The following UVSSA variants were observed in gnomAD, a reference collection of about 807,000 sequenced individuals.
UVSSA encodes UV stimulated scaffold protein A.
A neutral mutation model predicts 73.9 loss-of-function variants in UVSSA; 72 were observed. The ratio of observed to expected loss-of-function variants is 0.97; its 90% CI spans 0.81 to 1.19. UVSSA has a LOEUF of 1.19. Ranked by LOEUF, UVSSA falls within the 50% of genes most tolerant of loss-of-function variation. The pLI is 0.00. For synonymous variants in UVSSA, 454 were observed against 391.3 expected, an observed-to-expected ratio of 1.16 and a Z score of -1.89; for missense variants, 1,150 against 965.0, an observed-to-expected ratio of 1.19 and a Z score of -2.54.
intron 8 of UVSSA, 46 bp from the exon 9 acceptor site, chr4:1,375,318 C>T (rs372264424): frequency 2.4e-5 from 38 of 1,605,658 alleles, no homozygotes; most frequent in South Asian, 5.5e-5. Flanking sequence ...ATGTGCCTGG[C>T]GGGTTGTGGG....
intron 8 of UVSSA, among the ~76,000 whole-genome samples, chr4:1,371,458 G>A (rs1057042890): frequency 4.6e-5 from 7 of 152,086 alleles, no homozygotes; most frequent in Non-Finnish European, 8.8e-5. Flanking sequence ...CGTCAGTTCC[G>A]CGTGTGTGTT....
chr4:1,349,797 T>C lies in UVSSA; in HGVS notation c.372T>C (p.Phe124=), dbSNP rs1380308959. 1.3e-6 allele frequency: 2 copies of C among 1,593,914 alleles called. No individual in the cohort carries two copies. Among genetic ancestry groups the C allele is most frequent in the Non-Finnish European group, 1.7e-6 (2 of 1,168,470 alleles). ...TRAVEGWNEK[F]GEAYKKLALG... is the part of the protein sequence containing the mutation. ...CCGTGGAAGGGTGGAATGAGAAGTT[T>C]GGGGAGGCCTACAAGAAGCTTGCCT... is the stretch of plus-strand genomic sequence containing the variant. Residue 124 remains phenylalanine (F), a synonymous_variant, in exon 3 of 14, where the codon TTT becomes TTC. Transcript: ENST00000389851.
In UVSSA at chr4:1,376,134, G is replaced by T. The variant is rs755026331; in HGVS notation, c.1534G>T (p.Gly512Cys). The change falls in exon 10 of 14, where the codon GGC becomes TGC. Residue 512 changes from glycine to cysteine, a missense_variant. Gly to Cys is a radical substitution (Grantham distance 159, BLOSUM62 -3). Transcript: ENST00000389851. ...VPYGVDLHYWGQELPTAGKIV... is the reference protein window; with the variant it reads ...VPYGVDLHYWCQELPTAGKIV... ...CTACGGCGTGGACCTGCACTACTGG[G>T]GCCAGGAGCTCCCCACAGCCGGGAA... 2 of 1,610,336 alleles carry T rather than the reference G, an allele frequency of 1.2e-6. No homozygotes were observed. The highest frequency in any genetic ancestry group is 2.2e-5 in the South Asian group (2 of 90,558).
intron 13 of UVSSA, 119 bp from the exon 14 acceptor site, chr4:1,385,749 C>T (rs1560492540): frequency 9.0e-6 from 9 of 1,003,164 alleles, no homozygotes; most frequent in East Asian, 2.4e-5. Flanking sequence ...GGCAGTCTGT[C>T]AGTGTCCGAG....
intron 12 of UVSSA, among the ~76,000 whole-genome samples, chr4:1,382,231 G>A (rs1017744919): frequency 6.6e-6 from 1 of 152,262 alleles, no homozygotes; most frequent in African/African-American, 2.4e-5. Flanking sequence ...ACACTCAGGA[G>A]CAAATTAAGT....
intron 8 of UVSSA, among the ~76,000 whole-genome samples, chr4:1,368,867 G>C (rs187724542): frequency 6.6e-6 from 1 of 152,230 alleles, no homozygotes; most frequent in African/African-American, 2.4e-5. Flanking sequence ...TGGTTCTTTC[G>C]CTGCAGCCGC....
chr4:1,345,379 T>A, upstream of UVSSA, among the ~76,000 whole-genome samples: 1 of 151,964 alleles, frequency 6.6e-6, no homozygotes, highest in African/African-American at 2.4e-5. Flanking sequence ...GCACGGTGGC[T>A]CACGCCTGTA....
At chr4:1,375,292 T>A in intron 8 of UVSSA, 72 bp from the exon 9 acceptor site, 1 of 1,590,454 alleles carries the variant, frequency 6.3e-7, no homozygotes. Flanking sequence ...GCGTCCTAAC[T>A]GCCCGGTCTT....
In UVSSA at chr4:1,395,188, C is replaced by T. The variant is rs76432995; in HGVS notation, c.*9227C>T. ...GTTCGCCTGCTCACACGTGCCGATGCGGAGTGCCCGCCTGCTCACACGTGC... is the reference window on the plus strand; with the variant it reads ...GTTCGCCTGCTCACACGTGCCGATGTGGAGTGCCCGCCTGCTCACACGTGC... On this transcript the variant is annotated 3_prime_UTR_variant, in exon 14 of 14. Coordinates refer to the UVSSA transcript ENST00000511216. The T allele has an allele frequency of 2.1e-3, 2,590 of 1,252,372 alleles. 361 individuals are homozygous for T. The highest frequency in any genetic ancestry group is 0.017 in the South Asian group (1,236 of 71,884). 77.6% of individuals were successfully genotyped at this position (1,252,372 alleles called of 1,614,324 possible). A position where few individuals can be genotyped will look rare whatever the true frequency, so the allele number is the denominator to read the frequency against.
At chr4:1,346,282 C>A (rs1351043493), upstream of UVSSA, among the ~76,000 whole-genome samples, 1 of 152,248 alleles carries the variant, frequency 6.6e-6, no homozygotes, top group African/African-American at 2.4e-5. Flanking sequence ...AAAGAAACCC[C>A]GGCCCGCCGC....
intron 10 of UVSSA, among the ~76,000 whole-genome samples, chr4:1,379,133 G>A (rs1205780205): frequency 2.0e-5 from 3 of 152,184 alleles, no homozygotes; most frequent in East Asian, 1.9e-4. Flanking sequence ...GTGGGAGCCC[G>A]GGAGCTTCGG....
chr4:1,395,460 A>AGTGCCCGCCTGCTCACACGTGCCGACG, exon 14 of UVSSA: 2 of 1,194,858 alleles, frequency 1.7e-6, no homozygotes, highest in Non-Finnish European at 2.1e-6. Context: ...ACGTGCCCAT[A>AGTGCCCGCCTGCTCACACGTGCCGACG]TGGAGTGCCC....
chr4:1,374,520 C>T lies in UVSSA; in HGVS notation c.1289-844C>T, dbSNP rs1435080723. ...TCCTGGTCCGGGGACCCTGGGTGCACGCTGGGCTGCGGAGGCCAGGGGCTG... is the reference window on the plus strand; with the variant it reads ...TCCTGGTCCGGGGACCCTGGGTGCATGCTGGGCTGCGGAGGCCAGGGGCTG... On this transcript the variant is annotated intron_variant, in intron 8 of 13. Coordinates refer to ENST00000389851, the MANE Select transcript of UVSSA (RefSeq NM_020894.4). Among the ~76,000 whole-genome samples the T allele has an allele frequency of 4.6e-5, 7 of 152,156 alleles. No homozygotes were observed. The East Asian group carries it at 5.8e-4, about 13-fold the overall frequency.
In UVSSA at chr4:1,353,388, C is replaced by A. The variant is rs1211481941; in HGVS notation, c.909C>A (p.Tyr303Ter). The stretch of plus-strand genomic sequence containing the variant: ...GCCACGGGCTGGGCTCGCACAAGTA[C>A]ACGCTGGATGTGGAGCTCTGCTCAG... ...VRSHGLGSHK[Y>*]TLDVELCSEG... The change falls in exon 5 of 14, where the codon TAC (tyrosine) becomes TAA (stop). Residue 303 changes from tyrosine to a stop codon, truncating the protein, a stop_gained. Transcript: ENST00000389851. LOFTEE classifies it high-confidence loss of function. The A allele has an allele frequency of 6.3e-7, 1 of 1,587,904 alleles. No individual in the cohort carries two copies. The highest frequency in any genetic ancestry group is 8.6e-7 in the Non-Finnish European group (1 of 1,167,082).
At position 1,385,927 on chromosome 4, in the gene UVSSA, A is replaced by T. The variant is rs1269088226; in HGVS notation, c.2096A>T (p.Lys699Met). 1.2e-6 allele frequency: 2 copies of T among 1,614,070 alleles called. No individual in the cohort carries two copies. Among genetic ancestry groups the T allele is most frequent in the Non-Finnish European group, 1.7e-6 (2 of 1,180,028 alleles). Residue 699 changes from lysine (K) to methionine (M), a missense_variant, in exon 14 of 14, where the codon AAG becomes ATG. Transcript: ENST00000389851. ...MNRMDQKKHE[K>M]FSNQFNYALN ...CGGATGGACCAGAAGAAGCACGAGA[A>T]GTTTTCAAACCAGTTTAACTACGCA...
intron 7 of UVSSA, among the ~76,000 whole-genome samples, chr4:1,359,855 G>A (rs1235383112): frequency 7.0e-6 from 1 of 142,052 alleles, no homozygotes; most frequent in Non-Finnish European, 1.5e-5. Context: ...GGATGCAGCT[G>A]ACAGCCTCCC....
rs533431421 is a variant in UVSSA, at chr4:1,362,981, C to G, written c.1177-3339C>G. 2.0e-5 allele frequency among the ~76,000 whole-genome samples: 3 copies of G among 152,340 alleles called. No homozygotes were observed. The East Asian group carries it at 5.8e-4, about 29-fold the overall frequency. On this transcript the variant is annotated intron_variant, in intron 7 of 13. Transcript: ENST00000389851. ...GCCCAGCAGCAGATGTTGGAGGTGA[C>G]CGCACTGTGCGTCTGTGGGTTTCAG...
intron 3 of UVSSA, among the ~76,000 whole-genome samples, chr4:1,350,178 C>T (rs1475256037): frequency 1.3e-5 from 2 of 152,194 alleles, no homozygotes; most frequent in African/African-American, 2.4e-5. Flanking sequence ...TCAGATGCAA[C>T]GTTTTCTGTG....
In UVSSA at chr4:1,386,180, C is replaced by T. The variant is rs183282542; in HGVS notation, c.*219C>T. On this transcript the variant is annotated 3_prime_UTR_variant, in exon 14 of 14. Transcript: ENST00000389851. The stretch of plus-strand genomic sequence containing the variant: ...GGTCTGGCCTCGCAGAAGAGGCCCT[C>T]GGGCCTGGAGATGTGAACACAGGCA... The T allele has an allele frequency of 1.1e-3, 608 of 543,018 alleles. No homozygotes were observed. Among genetic ancestry groups the T allele is most frequent in the Middle Eastern group, 2.5e-3 (5 of 1,972 alleles). The allele number at this position is 543,018 out of a possible 1,614,324, so 33.6% of individuals were successfully genotyped here.
Sources: allele counts gnomAD v4.1 joint callset (sites outside exome capture counted in the v4.1 genomes callset), GRCh38; gene constraint gnomAD v4.1.1; transcripts MANE v1.5; gene names NCBI Gene and HGNC (gene_info 2026-07-23, HGNC 2026-07-21).